DOK6: variants seen among roughly 807,000 people sequenced by gnomAD.
DOK6 encodes the protein docking protein 6.
In DOK6, 22 loss-of-function variants were observed where a neutral mutation model predicts 44.0. The ratio of observed to expected loss-of-function variants is 0.50; its 90% confidence interval spans 0.36 to 0.71. The LOEUF (loss-of-function observed/expected upper bound fraction) is 0.71. Ranked by LOEUF, DOK6 falls within the 30% of genes least tolerant of loss-of-function variation. The pLI is 0.00. For missense variants in DOK6, 340 were observed against 416.4 expected (o/e 0.82, Z 1.60); for synonymous variants, 166 against 145.5 (o/e 1.14, Z -1.01).
In DOK6 at chr18:69,724,493, AAAAAT is replaced by A. The variant is rs139150676; in HGVS notation, c.600-14460_600-14456del. 3.6e-3 allele frequency among the ~76,000 whole-genome samples: 555 copies of A among 152,346 alleles called. 5 individuals are homozygous for A. Among genetic ancestry groups the A allele is most frequent in the African/African-American group, 0.013 (538 of 41,580 alleles). ...GCAGCCAAGGGCTTTGACCATTAACAAAAATAAAATAAAATATATAGTGCTTGAAT... is the reference window on the plus strand; with the variant it reads ...GCAGCCAAGGGCTTTGACCATTAACAAAAATAAAATATATAGTGCTTGAAT... On this transcript the variant is annotated intron_variant, in intron 5 of 7. Coordinates refer to ENST00000382713, the MANE Select transcript of DOK6 (RefSeq NM_152721.6).
intron 4 of DOK6, among the ~76,000 whole-genome samples, chr18:69,684,591 A>G (rs1986110287): frequency 6.7e-6 from 1 of 148,838 alleles, no homozygotes; most frequent in Non-Finnish European, 1.5e-5. Context: ...TGGCTTGAAA[A>G]GAAGAGTTTT....
intron 7 of DOK6, among the ~76,000 whole-genome samples, chr18:69,833,214 A>T (rs1378109951): frequency 6.6e-6 from 1 of 152,142 alleles, no homozygotes; most frequent in Non-Finnish European, 1.5e-5. Context: ...AAAAAACAGA[A>T]ACACAGAACA....
chr18:69,402,597 C>T (rs570506870), intron 1 of DOK6, among the ~76,000 whole-genome samples: 38 of 152,174 alleles, frequency 2.5e-4, no homozygotes, highest in Admixed American at 6.5e-4. Context: ...GGTGCTGCCT[C>T]TGCTGGGTTT....
chr18:69,721,927 T>C (rs1393703204), intron 5 of DOK6, among the ~76,000 whole-genome samples: 1 of 152,210 alleles, frequency 6.6e-6, no homozygotes, highest in Admixed American at 6.5e-5. Flanking sequence ...ATATAAAACC[T>C]GTTTGCTCTG....
chr18:69,822,321 AGTTTCATGGAT>A (rs1223842085), intron 7 of DOK6, among the ~76,000 whole-genome samples: 1 of 152,216 alleles, frequency 6.6e-6, no homozygotes, highest in African/African-American at 2.4e-5. Context: ...AGCCTGCCAC[AGTTTCATGGAT>A]GTTGGCAGAA....
chr18:69,788,794 A>G (rs1040959939), intron 7 of DOK6, among the ~76,000 whole-genome samples: 4 of 152,136 alleles, frequency 2.6e-5, no homozygotes, highest in Non-Finnish European at 5.9e-5. Context: ...ACTTTTTATT[A>G]TGTCCCAATC....
rs145072020 is a variant in DOK6, at chr18:69,427,593, T to A, written c.66+26283T>A. Among the ~76,000 whole-genome samples the A allele has an allele frequency of 6.6e-5, 10 of 152,232 alleles. No individual in the cohort carries two copies. In the East Asian group the frequency reaches 1.9e-3, roughly 29 times the overall value. ...ACAGAAATACTATTCGGCCCAGCAA[T>A]CCCATTACTGGGTATATGCCCGAAG... On this transcript the variant is annotated intron_variant, in intron 1 of 7. Coordinates refer to ENST00000382713, the MANE Select transcript of DOK6 (RefSeq NM_152721.6).
intron 1 of DOK6, among the ~76,000 whole-genome samples, chr18:69,446,289 G>T (rs1367212655): frequency 2.1e-5 from 3 of 144,142 alleles, no homozygotes; most frequent in African/African-American, 7.8e-5. Flanking sequence ...TCCCACCTAT[G>T]AGTGAGAACA....
In DOK6 at chr18:69,742,383, T is replaced by C. The variant is rs375061274; in HGVS notation, c.738+3280T>C. 1.8e-4 allele frequency among the ~76,000 whole-genome samples: 26 copies of C among 144,022 alleles called. No individual in the cohort carries two copies. The East Asian group carries it at 4.7e-3, about 26-fold the overall frequency. 94.5% of individuals were successfully genotyped at this position (144,022 alleles called of 152,430 possible). A position where few individuals can be genotyped will look rare whatever the true frequency, so the allele number is the denominator to read the frequency against. The stretch of plus-strand genomic sequence containing the variant: ...GAGCCGAGTTCGTGCCATTGCACTC[T>C]AGCTTGGGCAACAAGAGTGAAACTC... On this transcript the variant is annotated intron_variant, in intron 6 of 7. Coordinates refer to ENST00000382713, the MANE Select transcript of DOK6 (RefSeq NM_152721.6).
rs8099030 is a variant in DOK6 at position 69,677,798 on chromosome 18, T to C, written c.354T>C (p.Asp118=). Residue 118 remains aspartate (D), a synonymous_variant, in exon 4 of 8, where the codon GAT becomes GAC. Coordinates refer to ENST00000382713, the MANE Select transcript of DOK6 (RefSeq NM_152721.6). The part of the protein sequence containing the change: ...CMECLGTRLN[D]ISLGEPDLLA... ...AGTGTCTGGGGACCAGGCTCAATGA[T>C]ATCAGCCTTGGGGAGCCCGACCTTC... 1,296,965 of 1,613,496 alleles carry C rather than the reference T, an allele frequency of 0.8. 522,773 individuals are homozygous for C. Among genetic ancestry groups the C allele is most frequent in the East Asian group, 0.94 (42,336 of 44,858 alleles).
chr18:69,847,875 C>A lies in DOK6; in HGVS notation c.*6492C>A, dbSNP rs899036367. ...TTTCCAGTTACAAAATACTGTATTA[C>A]TTTAGTTATAGCAAGCAGTACATAA... On this transcript the variant is annotated 3_prime_UTR_variant, in exon 8 of 8. Coordinates refer to ENST00000382713, the MANE Select transcript of DOK6 (RefSeq NM_152721.6). 3 of 151,860 alleles carry A rather than the reference C, an allele frequency of 2.0e-5. No individual in the cohort carries two copies. The highest frequency in any genetic ancestry group is 4.4e-5 in the Non-Finnish European group (3 of 67,976). 9.4% of individuals were successfully genotyped at this position (151,860 alleles called of 1,614,324 possible).
chr18:69,421,502 G>T (rs974657148), intron 1 of DOK6, among the ~76,000 whole-genome samples: 1 of 152,130 alleles, frequency 6.6e-6, no homozygotes, highest in African/African-American at 2.4e-5. Flanking sequence ...ATTGCAAGAC[G>T]TAAATAAGAT....
At chr18:69,690,727 A>G (rs980951085) in intron 4 of DOK6, among the ~76,000 whole-genome samples, 2 of 152,346 alleles carry the variant, frequency 1.3e-5, no homozygotes, top group Non-Finnish European at 2.9e-5. Context: ...AATAAATCCC[A>G]AGCATTAGTC....
intron 5 of DOK6, among the ~76,000 whole-genome samples, chr18:69,719,810 T>C (rs1986966089): frequency 6.6e-6 from 1 of 152,204 alleles, no homozygotes; most frequent in Non-Finnish European, 1.5e-5. Flanking sequence ...ATGTTAGATT[T>C]TTCTGACTCA....
chr18:69,729,976 G>A (rs1978349864), intron 5 of DOK6, among the ~76,000 whole-genome samples: 1 of 152,028 alleles, frequency 6.6e-6, no homozygotes, highest in East Asian at 1.9e-4. Context: ...ATGATGGGAA[G>A]GACAAATATG....
At chr18:69,650,594 AAACTAT>A (rs1985198369) in intron 3 of DOK6, among the ~76,000 whole-genome samples, 2 of 152,230 alleles carry the variant, frequency 1.3e-5, no homozygotes, top group South Asian at 4.1e-4. Flanking sequence ...CATGGATTAA[AAACTAT>A]CATATCCAAT....
chr18:69,609,553 G>C (rs543525615), intron 3 of DOK6, among the ~76,000 whole-genome samples: 1 of 152,140 alleles, frequency 6.6e-6, no homozygotes, highest in East Asian at 1.9e-4. Flanking sequence ...GGAGAAATTG[G>C]AACCCTAGTG....
intron 1 of DOK6, among the ~76,000 whole-genome samples, chr18:69,482,080 T>A (rs1599151921): frequency 1.3e-5 from 2 of 152,336 alleles, no homozygotes; most frequent in South Asian, 4.1e-4. Context: ...GTTTGTTTTT[T>A]TCTTGTAAAT....
intron 1 of DOK6, among the ~76,000 whole-genome samples, chr18:69,545,115 A>C (rs112536369): frequency 0.13 from 7,216 of 53,816 alleles, 578 homozygotes; most frequent in African/African-American, 0.24. Flanking sequence ...GCGAGACACC[A>C]TAAAAAAAAA....
Sources: gnomAD v4.1 joint callset for allele counts (sites outside exome capture counted in the v4.1 genomes callset) on GRCh38, gnomAD v4.1.1 for gene constraint, MANE v1.5 for transcripts, NCBI Gene and HGNC (gene_info 2026-07-23, HGNC 2026-07-21) for gene names.